Variants in SPIRE2 observed in about 807,000 individuals in gnomAD.
SPIRE2 encodes the protein protein spire homolog 2.
A neutral mutation model predicts 80.7 loss-of-function variants in SPIRE2; 76 were observed. That is an observed-to-expected ratio of 0.94 (90% CI 0.78 to 1.14). The LOEUF is 1.14. Among genes scored for constraint, SPIRE2 ranks in the 50% most tolerant of loss-of-function variants. The pLI is 0.00. For synonymous variants in SPIRE2, 535 were observed against 432.6 expected (o/e 1.24, Z -2.94); for missense variants, 1,196 against 1,015.3 (o/e 1.18, Z -2.42).
chr16:89,840,470 C>T (rs989126258), intron 1 of SPIRE2, among the ~76,000 whole-genome samples: 39 of 150,606 alleles, frequency 2.6e-4, no homozygotes, highest in African/African-American at 9.3e-4. Context: ...AGGATGGTTT[C>T]GATCTCCTGA....
At position 89,831,055 on chromosome 16, in the gene SPIRE2, G is replaced by A. The variant is rs564291688; in HGVS notation, c.244+2261G>A. On this transcript the variant is annotated intron_variant, in intron 1 of 14. Coordinates refer to ENST00000378247, the MANE Select transcript of SPIRE2 (RefSeq NM_032451.2). ...CTCCCGAGTAGCTGGGACTACAGGC[G>A]CCCGCCACCACGCCCGGCTAATTTT... 3.3e-4 allele frequency among the ~76,000 whole-genome samples: 50 copies of A among 150,284 alleles called. 1 individual carries two copies. The Middle Eastern group carries it at 0.014, about 41-fold the overall frequency.
At chr16:89,845,983 G>A (rs1249131990) in intron 2 of SPIRE2, 7 of 228,104 alleles carry the variant, frequency 3.1e-5, no homozygotes, top group South Asian at 9.1e-5. Context: ...TGCAAGCTCC[G>A]CCTCCCGGGT....
chr16:89,855,004 C>T (rs12596441), intron 5 of SPIRE2, among the ~76,000 whole-genome samples: 108,014 of 151,794 alleles, frequency 0.71, 39,228 homozygotes, highest in East Asian at 0.99. Flanking sequence ...AATGGTGCGA[C>T]CTTGGCTCAC....
At chr16:89,845,212 C>A (rs1338386521) in intron 1 of SPIRE2, 110 bp from the exon 2 acceptor site, 1 of 976,010 alleles carries the variant, frequency 1.0e-6, no homozygotes, top group Non-Finnish European at 1.6e-6. Flanking sequence ...GGTGTTCCGG[C>A]GGAGAGTGGG....
At chr16:89,853,205 G>A (rs941651824) in intron 3 of SPIRE2, among the ~76,000 whole-genome samples, 2 of 152,156 alleles carry the variant, frequency 1.3e-5, no homozygotes, top group Non-Finnish European at 2.9e-5. Flanking sequence ...GTCTTACTCT[G>A]TTGCCCAGGC....
intron 1 of SPIRE2, among the ~76,000 whole-genome samples, chr16:89,834,652 T>A (rs1391088102): frequency 8.6e-6 from 1 of 116,534 alleles, no homozygotes; most frequent in Non-Finnish European, 1.9e-5. Flanking sequence ...TGGATAAGCA[T>A]AGCCCGTGTG....
At chr16:89,869,729 G>C (rs12925826) in intron 14 of SPIRE2, 47 bp downstream of exon 14, 1 of 1,477,926 alleles carries the variant, frequency 6.8e-7, no homozygotes, top group African/African-American at 1.4e-5. Context: ...GGTCGGGCGT[G>C]AAGAGGAACT....
chr16:89,840,790 C>T (rs935934220), intron 1 of SPIRE2, among the ~76,000 whole-genome samples: 2 of 150,106 alleles, frequency 1.3e-5, no homozygotes, highest in South Asian at 2.1e-4. Flanking sequence ...TGCCCGCCAC[C>T]ACGCCCAGCT....
At chr16:89,829,902 G>A (rs1027023858) in intron 1 of SPIRE2, among the ~76,000 whole-genome samples, 1 of 151,406 alleles carries the variant, frequency 6.6e-6, no homozygotes, top group Non-Finnish European at 1.5e-5. Context: ...CCGCCCAGAG[G>A]GTGGGGTGAG....
chr16:89,846,981 G>A (rs1210649185), intron 2 of SPIRE2: 1 of 145,178 alleles, frequency 6.9e-6, no homozygotes, highest in Non-Finnish European at 1.5e-5. Flanking sequence ...GAGATTAATT[G>A]TTTAAAAAAA....
intron 1 of SPIRE2, chr16:89,836,209 T>A (rs2041447639): frequency 6.6e-6 from 3 of 455,796 alleles, no homozygotes; most frequent in Non-Finnish European, 1.3e-5. Flanking sequence ...GGTTATTCTC[T>A]TACAGTTGAA....
At chr16:89,829,140 C>T (rs60120486) in intron 1 of SPIRE2, among the ~76,000 whole-genome samples, 8,196 of 152,246 alleles carry the variant, frequency 0.054, 760 homozygotes, top group African/African-American at 0.19. Context: ...CGGAGCTGGC[C>T]TTTGCTGGGG....
intron 1 of SPIRE2, among the ~76,000 whole-genome samples, chr16:89,829,818 G>T (rs1052295987): frequency 2.0e-5 from 3 of 151,468 alleles, no homozygotes; most frequent in Admixed American, 6.6e-5. Flanking sequence ...AACCTGAGGC[G>T]CAGGCTTGCG....
In SPIRE2 at chr16:89,842,208, A is replaced by ATTTTT. The variant is rs71137682; in HGVS notation, c.245-3096_245-3092dup. On this transcript the variant is annotated intron_variant, in intron 1 of 14. Transcript: ENST00000378247. Reference sequence around the variant, plus strand: ...ATACAATTAGATTCATGAACACGTAATTTTTTTTTTTTTTTTTTTTTTGTG... The same window carrying ATTTTT: ...ATACAATTAGATTCATGAACACGTAATTTTTTTTTTTTTTTTTTTTTTTTTTTGTG... 3.2e-4 allele frequency among the ~76,000 whole-genome samples: 26 copies of ATTTTT among 81,310 alleles called. 4 individuals carry two copies. The highest frequency in any genetic ancestry group is 1.4e-3 in the Admixed American group (8 of 5,898). The allele number at this position is 81,310 out of a possible 152,430, so 53.3% of individuals were successfully genotyped here. A position where few individuals can be genotyped will look rare whatever the true frequency, so the allele number is the denominator to read the frequency against.
intron 1 of SPIRE2, among the ~76,000 whole-genome samples, chr16:89,829,819 C>T (rs892803133): frequency 1.3e-5 from 2 of 151,464 alleles, no homozygotes; most frequent in African/African-American, 2.4e-5. Context: ...ACCTGAGGCG[C>T]AGGCTTGCGC....
chr16:89,845,835 G>A (rs986325731), intron 2 of SPIRE2: 19 of 539,912 alleles, frequency 3.5e-5, no homozygotes, highest in African/African-American at 3.1e-4. Context: ...GGAACGTCAT[G>A]TTTCCACTTT....
intron 1 of SPIRE2, among the ~76,000 whole-genome samples, chr16:89,830,077 C>A (rs1280799387): frequency 6.6e-6 from 1 of 151,326 alleles, no homozygotes; most frequent in Non-Finnish European, 1.5e-5. Flanking sequence ...CCGAGGCACA[C>A]AGTGGTAAGT....
intron 1 of SPIRE2, among the ~76,000 whole-genome samples, chr16:89,842,414 T>C (rs1212703950): frequency 2.0e-5 from 3 of 151,924 alleles, no homozygotes; most frequent in African/African-American, 7.3e-5. Flanking sequence ...GGTTTTGCCA[T>C]GTTGGCCAGA....
rs570705748 is a variant in SPIRE2, at chr16:89,850,287, G to T, written c.289-17G>T. 1 of 1,597,622 alleles carries T rather than the reference G, an allele frequency of 6.3e-7. No homozygotes were observed. On this transcript the variant is annotated splice_polypyrimidine_tract_variant and intron_variant, in intron 2 of 14. Transcript: ENST00000378247. Reference sequence around the variant, plus strand: ...CCCCCTGCAGTACCGCCCAGTGACCGCGCCCCTGTCCCGCAGACCGTGCAG... The same window carrying T: ...CCCCCTGCAGTACCGCCCAGTGACCTCGCCCCTGTCCCGCAGACCGTGCAG...
Sources: allele counts gnomAD v4.1 joint callset (sites outside exome capture counted in the v4.1 genomes callset), GRCh38; gene constraint gnomAD v4.1.1; transcripts MANE v1.5; gene names NCBI Gene and HGNC (gene_info 2026-07-23, HGNC 2026-07-21).